Variants in TMED3 observed in about 807,000 individuals in gnomAD.
TMED3 encodes the protein transmembrane emp24 domain-containing protein 3.
In TMED3, 9 loss-of-function variants were observed where a neutral mutation model predicts 15.0. That is an observed-to-expected ratio of 0.60 (90% CI 0.36 to 1.04). The LOEUF is 1.04. Among genes scored for constraint, TMED3 ranks in the 50% least tolerant of loss-of-function variants. TMED3 has a pLI of 0.01. For missense variants in TMED3, 267 were observed against 278.9 expected (o/e 0.96, Z 0.30); for synonymous variants, 117 against 121.4 (o/e 0.96, Z 0.24).
intron 2 of TMED3, among the ~76,000 whole-genome samples, chr15:79,350,922 G>A (rs927905620): frequency 3.3e-5 from 5 of 152,164 alleles, no homozygotes; most frequent in African/African-American, 1.2e-4. Flanking sequence ...GCTGTGTTTA[G>A]AAATGTTTGA....
chr15:79,402,311 C>G (rs77704492), intron 2 of TMED3, among the ~76,000 whole-genome samples: 9,550 of 152,264 alleles, frequency 0.063, 415 homozygotes, highest in Non-Finnish European at 0.091. Flanking sequence ...TTTGTCCAGT[C>G]CCCAGGTTAT....
downstream of TMED3, among the ~76,000 whole-genome samples, chr15:79,325,041 G>C (rs971631158): frequency 2.0e-5 from 3 of 152,126 alleles, no homozygotes; most frequent in African/African-American, 7.2e-5. Context: ...TTGAGGCCTG[G>C]GTGGAACTGA....
At chr15:79,374,637 C>T (rs537149246) in intron 2 of TMED3, among the ~76,000 whole-genome samples, 1 of 152,180 alleles carries the variant, frequency 6.6e-6, no homozygotes, top group Admixed American at 6.5e-5. Flanking sequence ...AGTACATTCT[C>T]TCCCATCCCC....
Position 79,322,615 on chromosome 15 carries a change from A to T in TMED3, c.*401A>T. The T allele has an allele frequency of 1.0e-6, 1 of 999,876 alleles. No homozygotes were observed. Among genetic ancestry groups the T allele is most frequent in the Non-Finnish European group, 1.2e-6 (1 of 840,216 alleles). 61.9% of individuals were successfully genotyped at this position (999,876 alleles called of 1,614,324 possible). On this transcript the variant is annotated 3_prime_UTR_variant, in exon 3 of 3. Transcript: ENST00000299705. ...GTCTTGGGTGTCCTATCCCATATGG[A>T]GAAGAAAGGGGCTCTAAGTTCTGGC...
At position 79,368,180 on chromosome 15, in the gene TMED3, A is replaced by T. The variant is rs549297004; in HGVS notation, c.418-43220A>T. On this transcript the variant is annotated intron_variant, in intron 2 of 2. Transcript: ENST00000424155. ...TTAAGTTACTATTACCTTCTTGCTT[A>T]TCAAGTTCCTTATTTCTTTCTGAGG... Among the ~76,000 whole-genome samples the T allele has an allele frequency of 3.9e-5, 6 of 152,326 alleles. No homozygotes were observed. The South Asian group carries it at 1.2e-3, about 32-fold the overall frequency.
In TMED3 at chr15:79,322,230, C is replaced by G. The variant is rs377387375; in HGVS notation, c.*16C>G. On this transcript the variant is annotated 3_prime_UTR_variant, in exon 3 of 3. Transcript: ENST00000299705. ...CCACTCCTAGCCCCGGCATCCTGCT[C>G]TAGGGCCCCTCATGCCCCAGGCTGG... is the stretch of plus-strand genomic sequence containing the variant. 1.9e-6 allele frequency: 3 copies of G among 1,604,076 alleles called. No homozygotes were observed. Among genetic ancestry groups the G allele is most frequent in the African/African-American group, 2.7e-5 (2 of 74,818 alleles).
intron 2 of TMED3, among the ~76,000 whole-genome samples, chr15:79,340,586 T>A (rs2141228470): frequency 6.6e-6 from 1 of 152,350 alleles, no homozygotes; most frequent in East Asian, 1.9e-4. Flanking sequence ...CTAATACACC[T>A]GGCGTGTAGT....
chr15:79,353,278 TAA>T lies in TMED3; in HGVS notation c.417+39274_417+39275del, dbSNP rs1461895861. Reference sequence around the variant, plus strand: ...TAATATATATTATATATAATATATATAATATATATTATATGTATATTATATAT... The same window carrying T: ...TAATATATATTATATATAATATATATTATATATTATATGTATATTATATAT... On this transcript the variant is annotated intron_variant, in intron 2 of 2. Coordinates refer to the TMED3 transcript ENST00000424155. Among the ~76,000 whole-genome samples the T allele has an allele frequency of 8.2e-4, 53 of 64,486 alleles. 2 individuals carry two copies. The highest frequency in any genetic ancestry group is 3.7e-3 in the African/African-American group (52 of 14,186). The allele number at this position is 64,486 out of a possible 152,430, so 42.3% of individuals were successfully genotyped here. A position where few individuals can be genotyped will look rare whatever the true frequency, so the allele number is the denominator to read the frequency against.
At chr15:79,351,048 A>G (rs1252180997) in intron 2 of TMED3, among the ~76,000 whole-genome samples, 2 of 152,206 alleles carry the variant, frequency 1.3e-5, no homozygotes, top group African/African-American at 2.4e-5. Flanking sequence ...TTATTCCTCA[A>G]TAAAATGAGG....
At chr15:79,405,467 A>G (rs1435887604) in intron 2 of TMED3, among the ~76,000 whole-genome samples, 1 of 152,210 alleles carries the variant, frequency 6.6e-6, no homozygotes, top group East Asian at 1.9e-4. Context: ...AGCATGTCTG[A>G]TAAATGAATT....
chr15:79,369,049 G>A (rs1269712942), intron 2 of TMED3, among the ~76,000 whole-genome samples: 1 of 150,112 alleles, frequency 6.7e-6, no homozygotes, highest in Non-Finnish European at 1.5e-5. Flanking sequence ...AGCCGAGATC[G>A]CACCACTGTA....
At chr15:79,373,751 A>C (rs1428606152) in intron 2 of TMED3, among the ~76,000 whole-genome samples, 1 of 152,236 alleles carries the variant, frequency 6.6e-6, no homozygotes, top group East Asian at 1.9e-4. Context: ...GGTTTTATAC[A>C]GGGGAAACAT....
rs2058907650 is a variant in TMED3 at position 79,353,758 on chromosome 15, G to A, written c.417+39753G>A. Among the ~76,000 whole-genome samples the A allele has an allele frequency of 2.7e-5, 4 of 149,760 alleles. No homozygotes were observed. In the East Asian group the frequency reaches 7.8e-4, roughly 29 times the overall value. ...TTTTAAAAAATGAAGACATTATTGT[G>A]TTATTAAAAAAAACCTTAAAAAGAA... On this transcript the variant is annotated intron_variant, in intron 2 of 2. Transcript: ENST00000424155.
intron 2 of TMED3, among the ~76,000 whole-genome samples, chr15:79,381,371 A>G (rs1893533608): frequency 1.3e-5 from 2 of 152,200 alleles, no homozygotes; most frequent in South Asian, 4.1e-4. Context: ...AGCTAAGGTG[A>G]ATGTCTCTTA....
chr15:79,315,614 C>G (rs2141213492), intron 2 of TMED3, among the ~76,000 whole-genome samples: 1 of 152,318 alleles, frequency 6.6e-6, no homozygotes, highest in South Asian at 2.1e-4. Flanking sequence ...ACATTCTTTC[C>G]TGGAGCCTGA....
chr15:79,319,704 C>T (rs573109526), intron 2 of TMED3, among the ~76,000 whole-genome samples: 12 of 152,132 alleles, frequency 7.9e-5, no homozygotes, highest in Non-Finnish European at 1.8e-4. Flanking sequence ...GACAAAGGGG[C>T]AGGCTAAGGA....
Position 79,311,480 on chromosome 15 carries a change from G to A in TMED3, c.168+63G>A, listed in dbSNP as rs1051692756. On this transcript the variant is annotated intron_variant, in intron 1 of 2. Coordinates refer to ENST00000299705, the MANE Select transcript of TMED3 (RefSeq NM_007364.4). Reference sequence around the variant, plus strand: ...CACTCCCAGGTCTCACCTGGACACTGGCTAGCCCCTGACTGGAGGCGCTCG... The same window carrying A: ...CACTCCCAGGTCTCACCTGGACACTAGCTAGCCCCTGACTGGAGGCGCTCG... The A allele has an allele frequency of 7.2e-6, 11 of 1,527,524 alleles. No homozygotes were observed. The African/African-American group carries it at 1.5e-4, about 21-fold the overall frequency. The allele number at this position is 1,527,524 out of a possible 1,614,324, so 94.6% of individuals were successfully genotyped here.
At chr15:79,347,719 A>T (rs1362421354) in intron 2 of TMED3, among the ~76,000 whole-genome samples, 3 of 152,128 alleles carry the variant, frequency 2.0e-5, no homozygotes, top group Non-Finnish European at 4.4e-5. Context: ...AAAATTACTA[A>T]CATTCTTATA....
chr15:79,385,933 T>A (rs1376378910), intron 2 of TMED3, among the ~76,000 whole-genome samples: 1 of 152,182 alleles, frequency 6.6e-6, no homozygotes, highest in East Asian at 1.9e-4. Context: ...ATAAAACAAC[T>A]GTTGGATTTC....
Sources: gnomAD v4.1 joint callset for allele counts (sites outside exome capture counted in the v4.1 genomes callset) on GRCh38, gnomAD v4.1.1 for gene constraint, MANE v1.5 for transcripts, NCBI Gene and HGNC (gene_info 2026-07-23, HGNC 2026-07-21) for gene names.